The following ZNF33A variants were observed in gnomAD, a reference collection of about 807,000 sequenced individuals.
ZNF33A encodes the protein zinc finger protein 33A, also known as brain my041 protein.
A neutral mutation model predicts 15.9 loss-of-function variants in ZNF33A; 9 were observed. The ratio of observed to expected loss-of-function variants is 0.57; its 90% confidence interval spans 0.34 to 0.99. ZNF33A has a LOEUF of 0.99. Ranked by LOEUF, ZNF33A falls within the 50% of genes least tolerant of loss-of-function variation. ZNF33A has a pLI of 0.02. For missense variants in ZNF33A, 843 were observed against 941.6 expected, an observed-to-expected ratio of 0.90 and a Z score of 1.37; for synonymous variants, 294 against 324.2, an observed-to-expected ratio of 0.91 and a Z score of 1.00.
upstream of ZNF33A, chr10:38,010,674 C>A: frequency 1.5e-5 from 23 of 1,586,130 alleles, no homozygotes; most frequent in Non-Finnish European, 2.0e-5. Flanking sequence ...GCTACGTCTG[C>A]GTTTCCGCCT....
chr10:38,039,641 C>T (rs777372057), intron 4 of ZNF33A: 44 of 444,728 alleles, frequency 9.9e-5, no homozygotes, highest in Non-Finnish European at 1.7e-4. Context: ...TGGATTTTCC[C>T]ATTTTGTTGA....
At chr10:38,029,258 G>GC (rs1313055246) in intron 4 of ZNF33A, among the ~76,000 whole-genome samples, 1 of 152,126 alleles carries the variant, frequency 6.6e-6, no homozygotes, top group East Asian at 1.9e-4. Flanking sequence ...AAACTCTTCA[G>GC]CATTTGTTTA....
chr10:38,013,864 A>T (rs1590438442), intron 2 of ZNF33A, among the ~76,000 whole-genome samples: 1 of 152,208 alleles, frequency 6.6e-6, no homozygotes, highest in Admixed American at 6.5e-5. Flanking sequence ...AGGTCAAAAC[A>T]AACATTGCCA....
chr10:38,063,596 A>C (rs994603092), downstream of ZNF33A, among the ~76,000 whole-genome samples: 1 of 152,190 alleles, frequency 6.6e-6, no homozygotes, highest in African/African-American at 2.4e-5. Context: ...TGTGAACACT[A>C]TCCGGTATTA....
At chr10:38,012,249 C>T (rs531676502) in intron 1 of ZNF33A, 49 bp from the exon 2 acceptor site, 1 of 1,590,840 alleles carries the variant, frequency 6.3e-7, no homozygotes, top group Non-Finnish European at 8.6e-7. Flanking sequence ...CCAGGAGTTG[C>T]CAGGCAGGCC....
At chr10:38,011,954 ATTG>A (rs2064205281) in intron 1 of ZNF33A, among the ~76,000 whole-genome samples, 1 of 152,138 alleles carries the variant, frequency 6.6e-6, no homozygotes, top group Admixed American at 6.6e-5. Flanking sequence ...CATTAAATAT[ATTG>A]TTAACTTGTT....
Position 38,054,879 on chromosome 10 carries a change from T to C in ZNF33A, c.755T>C (p.Phe252Ser), listed in dbSNP as rs1429623865. 8 of 1,613,582 alleles carry C rather than the reference T, an allele frequency of 5.0e-6. No individual in the cohort carries two copies. Among genetic ancestry groups the C allele is most frequent in the Non-Finnish European group, 5.9e-6 (7 of 1,180,004 alleles). ...GAGAATAACTGTGATTATAATGAAT[T>C]TGGGAGAACTTTGTGTGATAGTTCA... ...AEENNCDYNE[F>S]GRTLCDSSSL... Residue 252 changes from phenylalanine to serine, a missense_variant, in exon 5 of 5, where the codon TTT becomes TCT. Phe to Ser is a radical substitution (Grantham distance 155). Coordinates refer to ENST00000432900, the MANE Select transcript of ZNF33A (RefSeq NM_006954.2).
chr10:38,055,988 T>A lies in ZNF33A; in HGVS notation c.1864T>A (p.Ser622Thr), dbSNP rs1346715156. 6.2e-7 allele frequency: 1 copy of A among 1,613,762 alleles called. No individual in the cohort carries two copies. The highest frequency in any genetic ancestry group is 1.3e-5 in the African/African-American group (1 of 74,832). Reference protein sequence around the residue: ...NECGKAFYQKSQLTQHQRIHI... With the variant: ...NECGKAFYQKTQLTQHQRIHI... ...ATGTGGAAAAGCCTTCTACCAGAAG[T>A]CACAACTCACTCAGCATCAGAGAAT... Residue 622 changes from serine (S) to threonine (T), a missense_variant, in exon 5 of 5, where the codon TCA (serine) becomes ACA (threonine). Physicochemically the swap from Ser to Thr is moderately conservative, Grantham distance 58. Transcript: ENST00000432900.
In ZNF33A at chr10:38,055,208, T is replaced by C; in HGVS notation, c.1084T>C (p.Cys362Arg). 1 of 1,614,128 alleles carries C rather than the reference T, an allele frequency of 6.2e-7. No individual in the cohort carries two copies. Among genetic ancestry groups the C allele is most frequent in the Non-Finnish European group, 8.5e-7 (1 of 1,179,990 alleles). Reference sequence around the variant, plus strand: ...ACAGAAACCCTTTCAATGTAATGAATGTGAAAAAGCTTTCTGGGATAAGTC... The same window carrying C: ...ACAGAAACCCTTTCAATGTAATGAACGTGAAAAAGCTTTCTGGGATAAGTC... ...TGQKPFQCNE[C>R]EKAFWDKSNL... Residue 362 changes from cysteine to arginine, a missense_variant, in exon 5 of 5, where the codon TGT becomes CGT. Cys to Arg is a radical substitution (Grantham distance 180). Coordinates refer to ENST00000432900, the MANE Select transcript of ZNF33A (RefSeq NM_006954.2).
intron 4 of ZNF33A, among the ~76,000 whole-genome samples, chr10:38,039,769 CTCTT>C (rs994375600): frequency 6.6e-6 from 1 of 150,736 alleles, no homozygotes; most frequent in Non-Finnish European, 1.5e-5. Flanking sequence ...AACCTTCTCT[CTCTT>C]TTTTTTCTTT....
At chr10:38,026,574 C>T (rs2065001763) in intron 4 of ZNF33A, among the ~76,000 whole-genome samples, 1 of 152,220 alleles carries the variant, frequency 6.6e-6, no homozygotes, top group South Asian at 2.1e-4. Flanking sequence ...AGGTGATCCA[C>T]CCGCCTTGAC....
chr10:38,062,780 G>A (rs1470424407), downstream of ZNF33A, among the ~76,000 whole-genome samples: 1 of 148,214 alleles, frequency 6.7e-6, no homozygotes, highest in Non-Finnish European at 1.5e-5. Flanking sequence ...GAGGTGGGCG[G>A]ATCACGAGGT....
chr10:38,046,671 A>G (rs892232180), intron 4 of ZNF33A, among the ~76,000 whole-genome samples: 1 of 152,244 alleles, frequency 6.6e-6, no homozygotes, highest in Non-Finnish European at 1.5e-5. Context: ...TTTCTCAAAG[A>G]GACTAACCAG....
At chr10:38,016,652 T>A (rs1417546809) in intron 2 of ZNF33A, among the ~76,000 whole-genome samples, 1 of 152,230 alleles carries the variant, frequency 6.6e-6, no homozygotes, top group Admixed American at 6.5e-5. Context: ...TTTATTAATC[T>A]TAGTATTTCC....
intron 4 of ZNF33A, among the ~76,000 whole-genome samples, chr10:38,046,367 A>G (rs2065946260): frequency 6.6e-6 from 1 of 152,236 alleles, no homozygotes; most frequent in Non-Finnish European, 1.5e-5. Context: ...CCTGCCAGCC[A>G]GAGTGGAAAA....
chr10:38,012,425 G>GT (rs10716292), intron 2 of ZNF33A, 75 bp downstream of exon 2: 37,551 of 520,214 alleles, frequency 0.072, 131 homozygotes, highest in Middle Eastern at 0.077. Context: ...TATGGTGTTT[G>GT]TTTTTTTTTT....
At chr10:38,024,175 A>AAAG (rs552431434) in intron 4 of ZNF33A, among the ~76,000 whole-genome samples, 34,854 of 144,830 alleles carry the variant, frequency 0.24, 5,432 homozygotes, top group South Asian at 0.47. Flanking sequence ...AAAAAAAAAA[A>AAAG]AAAAAAGAAA....
At chr10:38,043,442 A>G (rs1257748504) in intron 4 of ZNF33A, among the ~76,000 whole-genome samples, 1 of 151,980 alleles carries the variant, frequency 6.6e-6, no homozygotes, top group Non-Finnish European at 1.5e-5. Context: ...GCACATGTAT[A>G]CATATATAAC....
At position 38,057,056 on chromosome 10, in the gene ZNF33A, G is replaced by A. The variant is rs1209109141; in HGVS notation, c.*496G>A. ...ATATGGTCAAGTCCAAGAAATCGAT[G>A]TTACCTTGCTGGTAGATAGAGACTT... On this transcript the variant is annotated 3_prime_UTR_variant, in exon 5 of 5. Transcript: ENST00000432900. 1.5e-6 allele frequency: 1 copy of A among 674,534 alleles called. No individual in the cohort carries two copies. The highest frequency in any genetic ancestry group is 1.9e-5 in the African/African-American group (1 of 51,528). The allele number at this position is 674,534 out of a possible 1,614,324, so 41.8% of individuals were successfully genotyped here.
Sources: gnomAD v4.1 joint callset for allele counts (sites outside exome capture counted in the v4.1 genomes callset) on GRCh38, gnomAD v4.1.1 for gene constraint, MANE v1.5 for transcripts, NCBI Gene and HGNC (gene_info 2026-07-23, HGNC 2026-07-21) for gene names.